The following AGMO variants were observed in gnomAD, a reference collection of about 807,000 sequenced individuals.
The protein encoded by AGMO is alkylglycerol monooxygenase.
A neutral mutation model predicts 60.2 loss-of-function variants in AGMO; 75 were observed. That is an observed-to-expected ratio of 1.25 (90% CI 1.03 to 1.51). AGMO has a LOEUF of 1.51. AGMO is among the 40% of genes most tolerant of loss of function. The pLI is 0.00. For missense variants in AGMO, 763 were observed against 525.5 expected, an observed-to-expected ratio of 1.45 and a Z score of -4.42; for synonymous variants, 261 against 177.1, an observed-to-expected ratio of 1.47 and a Z score of -3.76.
chr7:15,556,368 T>C (rs1384204540), intron 2 of AGMO, among the ~76,000 whole-genome samples: 1 of 151,924 alleles, frequency 6.6e-6, no homozygotes, highest in African/African-American at 2.4e-5. Flanking sequence ...GTGACCCATA[T>C]GTATTAAAAG....
At chr7:15,447,735 T>C (rs1197196650) in intron 3 of AGMO, among the ~76,000 whole-genome samples, 1 of 151,752 alleles carries the variant, frequency 6.6e-6, no homozygotes, top group African/African-American at 2.4e-5. Context: ...TTTTTTTCAG[T>C]AGAGACAGGG....
intron 12 of AGMO, among the ~76,000 whole-genome samples, chr7:15,287,678 AACT>A (rs1784137429): frequency 6.6e-6 from 1 of 152,208 alleles, no homozygotes; most frequent in African/African-American, 2.4e-5. Context: ...ACATATTTAA[AACT>A]ACTTACATGT....
At chr7:15,135,982 T>TTTTC in the AGMO span, among the ~76,000 whole-genome samples, 1 of 146,260 alleles carries the variant, frequency 6.8e-6, no homozygotes, top group African/African-American at 2.5e-5. Context: ...TTCTTTTCTT[T>TTTTC]TTTTTTTTTT....
chr7:15,166,151 G>A, the AGMO span, among the ~76,000 whole-genome samples: 1 of 151,922 alleles, frequency 6.6e-6, no homozygotes, highest in Non-Finnish European at 1.5e-5. Context: ...TTCTAGAGAC[G>A]TGAGAAGAAA....
chr7:15,356,539 GA>G, intron 12 of AGMO, among the ~76,000 whole-genome samples: 1 of 151,904 alleles, frequency 6.6e-6, no homozygotes, highest in African/African-American at 2.4e-5. Context: ...AAGAAAATCT[GA>G]AAAATTAAAA....
chr7:15,281,151 T>A (rs367678599), intron 12 of AGMO, among the ~76,000 whole-genome samples: 99 of 152,102 alleles, frequency 6.5e-4, no homozygotes, highest in African/African-American at 2.0e-3. Flanking sequence ...CCCAGAACTT[T>A]CCACAGGTGG....
intron 3 of AGMO, among the ~76,000 whole-genome samples, chr7:15,479,746 T>G (rs138784304): frequency 6.6e-6 from 1 of 152,158 alleles, no homozygotes; most frequent in African/African-American, 2.4e-5. Context: ...ATGCAAGGGA[T>G]ACAAAACTGA....
At chr7:15,449,783 T>A (rs557035292) in intron 3 of AGMO, among the ~76,000 whole-genome samples, 5 of 152,334 alleles carry the variant, frequency 3.3e-5, no homozygotes, top group African/African-American at 7.2e-5. Context: ...CTTATTTTTT[T>A]AAAAATCACG....
chr7:15,423,815 C>T (rs1216951473), intron 4 of AGMO, among the ~76,000 whole-genome samples: 1 of 152,136 alleles, frequency 6.6e-6, no homozygotes, highest in African/African-American at 2.4e-5. Context: ...GGGCATGGAA[C>T]TGAGTCTCCC....
At chr7:15,486,618 G>A (rs1782928208) in intron 3 of AGMO, among the ~76,000 whole-genome samples, 1 of 152,030 alleles carries the variant, frequency 6.6e-6, no homozygotes, top group Admixed American at 6.6e-5. Flanking sequence ...AGAGACCACA[G>A]GTTAAATTAT....
intron 12 of AGMO, among the ~76,000 whole-genome samples, chr7:15,258,232 A>G (rs1783158589): frequency 6.6e-6 from 1 of 152,194 alleles, no homozygotes; most frequent in Non-Finnish European, 1.5e-5. Flanking sequence ...TCTGAAATAA[A>G]TTTTGAAGTG....
intron 12 of AGMO, among the ~76,000 whole-genome samples, chr7:15,294,081 C>G (rs1784349612): frequency 6.6e-6 from 1 of 152,014 alleles, no homozygotes; most frequent in South Asian, 2.1e-4. Context: ...TTTTGAAGTT[C>G]AAAACCTTGA....
intron 3 of AGMO, among the ~76,000 whole-genome samples, chr7:15,444,153 T>A (rs1781638761): frequency 6.6e-6 from 1 of 152,174 alleles, no homozygotes. Flanking sequence ...TCGAATATAT[T>A]TTTTTAATTA....
chr7:15,357,804 G>C (rs1184480542), intron 12 of AGMO, among the ~76,000 whole-genome samples: 1 of 152,166 alleles, frequency 6.6e-6, no homozygotes, highest in Non-Finnish European at 1.5e-5. Context: ...AGTAGGCCCA[G>C]GTGAACGCAG....
intron 12 of AGMO, among the ~76,000 whole-genome samples, chr7:15,354,371 C>CGTGTGTATACACGT (rs1207252003): frequency 1.8e-4 from 10 of 55,202 alleles, no homozygotes; most frequent in African/African-American, 7.6e-4. Flanking sequence ...TGTATATAGA[C>CGTGTGTATACACGT]GTGTGTATAC....
chr7:15,477,440 A>G (rs1341158156), intron 3 of AGMO, among the ~76,000 whole-genome samples: 1 of 152,130 alleles, frequency 6.6e-6, no homozygotes, highest in Non-Finnish European at 1.5e-5. Context: ...TACATTCAAC[A>G]AAGCAGCATA....
intron 12 of AGMO, among the ~76,000 whole-genome samples, chr7:15,286,539 G>C (rs891015975): frequency 2.6e-5 from 4 of 152,000 alleles, no homozygotes; most frequent in African/African-American, 9.7e-5. Context: ...TCTCACCCAT[G>C]CAAGTGTGGT....
the AGMO span, among the ~76,000 whole-genome samples, chr7:15,152,472 C>G: frequency 6.6e-6 from 1 of 152,108 alleles, no homozygotes; most frequent in South Asian, 2.1e-4. Context: ...AGTGCGTAGT[C>G]TAGTCTTTTG....
At chr7:15,527,421 G>C (rs1355120609) in intron 3 of AGMO, among the ~76,000 whole-genome samples, 1 of 152,174 alleles carries the variant, frequency 6.6e-6, no homozygotes, top group East Asian at 1.9e-4. Flanking sequence ...AAGACCCTAA[G>C]TCTCTTCAAT....
Sources: gnomAD v4.1 joint callset for allele counts (sites outside exome capture counted in the v4.1 genomes callset) on GRCh38, gnomAD v4.1.1 for gene constraint, MANE v1.5 for transcripts, NCBI Gene and HGNC (gene_info 2026-07-23, HGNC 2026-07-21) for gene names.